DAB1: variants seen among roughly 807,000 people sequenced by gnomAD.
DAB1 encodes DAB adaptor protein 1.
Under a neutral mutation model 64.6 loss-of-function variants are expected in DAB1, and 15 were observed. That is an observed-to-expected ratio of 0.23 (90% CI 0.16 to 0.36). The LOEUF is 0.36. DAB1 is among the 10% of genes least tolerant of loss of function. The pLI is 1.00. For missense variants in DAB1, 596 were observed against 706.7 expected, an observed-to-expected ratio of 0.84 and a Z score of 1.78; for synonymous variants, 235 against 251.9, an observed-to-expected ratio of 0.93 and a Z score of 0.64.
intron 5 of DAB1, among the ~76,000 whole-genome samples, chr1:57,974,094 C>T (rs965268316): frequency 5.3e-5 from 8 of 152,124 alleles, no homozygotes; most frequent in African/African-American, 1.4e-4. Context: ...TCATGAAACA[C>T]GCCAAGCTCA....
At chr1:58,252,937 C>T (rs1435236573) in intron 4 of DAB1, among the ~76,000 whole-genome samples, 2 of 152,164 alleles carry the variant, frequency 1.3e-5, no homozygotes, top group African/African-American at 2.4e-5. Context: ...CCATCTTTTC[C>T]GAGCTAGTTT....
At chr1:57,964,681 A>G (rs1049879190) in intron 5 of DAB1, among the ~76,000 whole-genome samples, 6 of 152,184 alleles carry the variant, frequency 3.9e-5, no homozygotes, top group African/African-American at 1.2e-4. Context: ...TGCTTATTCA[A>G]TGGCTTTCCT....
chr1:57,339,813 G>A (rs1030221830), intron 1 of DAB1, among the ~76,000 whole-genome samples: 3 of 152,180 alleles, frequency 2.0e-5, no homozygotes, highest in African/African-American at 7.2e-5. Context: ...ATATAGTTAT[G>A]ACAAAATGAC....
intron 7 of DAB1, among the ~76,000 whole-genome samples, chr1:57,069,705 A>C (rs1651271848): frequency 6.6e-6 from 1 of 152,168 alleles, no homozygotes; most frequent in Non-Finnish European, 1.5e-5. Flanking sequence ...ATTCAATGGC[A>C]ATTTGTCTCA....
intron 5 of DAB1, among the ~76,000 whole-genome samples, chr1:57,954,178 T>C (rs1269543632): frequency 6.6e-6 from 1 of 152,128 alleles, no homozygotes; most frequent in East Asian, 1.9e-4. Context: ...GATGTAGTGT[T>C]TATTACATCC....
intron 5 of DAB1, among the ~76,000 whole-genome samples, chr1:57,974,009 TC>T (rs746126859): frequency 1.2e-4 from 18 of 152,044 alleles, no homozygotes; most frequent in Non-Finnish European, 1.8e-4. Context: ...CTGACCTTCT[TC>T]CCCCTCTCTG....
chr1:57,744,729 G>A (rs565382473), intron 6 of DAB1, among the ~76,000 whole-genome samples: 2 of 152,138 alleles, frequency 1.3e-5, no homozygotes, highest in Non-Finnish European at 2.9e-5. Context: ...GACCTGCCAA[G>A]TAGCCATTCT....
At chr1:57,385,567 A>G (rs953199883) in intron 1 of DAB1, among the ~76,000 whole-genome samples, 1 of 152,194 alleles carries the variant, frequency 6.6e-6, no homozygotes, top group Non-Finnish European at 1.5e-5. Flanking sequence ...GACACAGTTG[A>G]ATTGAGGAGT....
At chr1:58,072,401 C>G (rs927294376) in intron 5 of DAB1, among the ~76,000 whole-genome samples, 4 of 152,012 alleles carry the variant, frequency 2.6e-5, no homozygotes, top group African/African-American at 7.3e-5. Context: ...AGCAAAAAAC[C>G]CTAGTTTTCA....
At chr1:57,144,991 G>A (rs540869643) in intron 3 of DAB1, among the ~76,000 whole-genome samples, 1 of 152,208 alleles carries the variant, frequency 6.6e-6, no homozygotes, top group Non-Finnish European at 1.5e-5. Flanking sequence ...AAAACAATTT[G>A]ATAATTTTTT....
At chr1:58,192,792 A>G (rs1657459445) in intron 4 of DAB1, among the ~76,000 whole-genome samples, 1 of 152,214 alleles carries the variant, frequency 6.6e-6, no homozygotes, top group Non-Finnish European at 1.5e-5. Flanking sequence ...TCTCTTTGAT[A>G]TAATGATTTC....
rs938723838 is a variant in DAB1 at position 57,114,019 on chromosome 1, T to C, written c.306+22524A>G. 2.6e-5 allele frequency among the ~76,000 whole-genome samples: 4 copies of C among 152,314 alleles called. No homozygotes were observed. The East Asian group carries it at 5.8e-4, about 22-fold the overall frequency. ...TTTTGGTGATGCCTCAAAGTCACTG[T>C]ATGAATTAGTTTCTATGGAAACTGA... is the stretch of plus-strand genomic sequence containing the variant. On this transcript the variant is annotated intron_variant, in intron 4 of 14. Coordinates refer to ENST00000371236, the MANE Select transcript of DAB1 (RefSeq NM_001365792.1).
At chr1:58,428,055 C>G (rs1434975717) in intron 3 of DAB1, among the ~76,000 whole-genome samples, 1 of 152,156 alleles carries the variant, frequency 6.6e-6, no homozygotes, top group Non-Finnish European at 1.5e-5. Flanking sequence ...AATAATTAAG[C>G]ATTTAAGCTG....
rs1645662817 is a variant in DAB1 at position 56,997,269 on chromosome 1, G to A, written c.*875C>T. ...GTACTTAGAGTTTAGAGCTTCTTAA[G>A]AAATCAGATGCATTTTTCATCTTTC... On this transcript the variant is annotated 3_prime_UTR_variant, in exon 15 of 15. Coordinates refer to ENST00000371236, the MANE Select transcript of DAB1 (RefSeq NM_001365792.1). The A allele has an allele frequency of 6.6e-6, 1 of 152,142 alleles. No homozygotes were observed. The highest frequency in any genetic ancestry group is 1.5e-5 in the Non-Finnish European group (1 of 68,020). The allele number at this position is 152,142 out of a possible 1,614,324, so 9.4% of individuals were successfully genotyped here.
intron 7 of DAB1, among the ~76,000 whole-genome samples, chr1:57,603,424 C>T (rs1018213825): frequency 6.6e-6 from 1 of 152,208 alleles, no homozygotes; most frequent in African/African-American, 2.4e-5. Context: ...AAACTCAGTG[C>T]CTTCTATCTA....
intron 7 of DAB1, among the ~76,000 whole-genome samples, chr1:57,463,385 A>G (rs753874961): frequency 6.6e-6 from 1 of 152,224 alleles, no homozygotes; most frequent in Non-Finnish European, 1.5e-5. Flanking sequence ...TGAAATCACA[A>G]TATAATAAGG....
intron 7 of DAB1, among the ~76,000 whole-genome samples, chr1:57,581,378 T>G (rs1016670560): frequency 1.3e-5 from 2 of 152,216 alleles, no homozygotes; most frequent in African/African-American, 4.8e-5. Context: ...GAGTGGGCTG[T>G]GCTGGATATT....
At chr1:58,041,472 G>T (rs986296821) in intron 5 of DAB1, among the ~76,000 whole-genome samples, 3 of 152,148 alleles carry the variant, frequency 2.0e-5, no homozygotes, top group Admixed American at 2.0e-4. Context: ...GAGCATTAAG[G>T]TCTATATACT....
intron 6 of DAB1, among the ~76,000 whole-genome samples, chr1:57,746,388 A>G (rs1648269248): frequency 6.6e-6 from 1 of 152,076 alleles, no homozygotes; most frequent in Non-Finnish European, 1.5e-5. Context: ...TCACACCTTT[A>G]AATACTCACT....
Sources: gnomAD v4.1 joint callset for allele counts (sites outside exome capture counted in the v4.1 genomes callset) on GRCh38, gnomAD v4.1.1 for gene constraint, MANE v1.5 for transcripts, NCBI Gene and HGNC (gene_info 2026-07-23, HGNC 2026-07-21) for gene names.